Variants in PTP4A2 observed in about 807,000 individuals in gnomAD.
PTP4A2 encodes the protein protein tyrosine phosphatase 4A2.
A neutral mutation model predicts 22.9 loss-of-function variants in PTP4A2; 2 were observed. That is an observed-to-expected ratio of 0.09 (90% CI 0.04 to 0.27). The LOEUF (loss-of-function observed/expected upper bound fraction) is 0.27. Among genes scored for constraint, PTP4A2 ranks in the 10% least tolerant of loss-of-function variants. PTP4A2 has a pLI of 1.00. For synonymous variants in PTP4A2, 68 were observed against 69.1 expected, an observed-to-expected ratio of 0.98 and a Z score of 0.08; for missense variants, 103 against 205.1, an observed-to-expected ratio of 0.50 and a Z score of 3.04.
intron 1 of PTP4A2, among the ~76,000 whole-genome samples, chr1:31,923,325 ACCT>A (rs1444471492): frequency 7.7e-6 from 1 of 129,210 alleles, no homozygotes. Flanking sequence ...TTCTGCCTCA[ACCT>A]CTTTTTTTTT....
intron 3 of PTP4A2, 87 bp from the exon 4 acceptor site, chr1:31,911,913 G>T: frequency 3.0e-6 from 3 of 1,008,290 alleles, no homozygotes; most frequent in Admixed American, 2.9e-5. Flanking sequence ...AGTACACACG[G>T]CAGGCCTAAC....
chr1:31,933,457 A>G (rs891436035), intron 1 of PTP4A2, among the ~76,000 whole-genome samples: 1 of 152,178 alleles, frequency 6.6e-6, no homozygotes, highest in Non-Finnish European at 1.5e-5. Context: ...AGATTCTAAA[A>G]CCTGGGATTT....
At chr1:31,935,942 G>A (rs1425674809) in intron 1 of PTP4A2, among the ~76,000 whole-genome samples, 1 of 151,828 alleles carries the variant, frequency 6.6e-6, no homozygotes, top group Non-Finnish European at 1.5e-5. Context: ...CTACAGGCAC[G>A]CACTACCACG....
intron 3 of PTP4A2, chr1:31,913,050 C>A: frequency 2.2e-6 from 1 of 452,786 alleles, no homozygotes. Flanking sequence ...ATAAAACATG[C>A]TTCACTTACT....
rs1329406210 is a variant in PTP4A2 at position 31,938,194 on chromosome 1, GCTGCGGCCGCCGCTGCGTCTC to G, written c.-822_-802del. 2 of 152,132 alleles carry G rather than the reference GCTGCGGCCGCCGCTGCGTCTC, an allele frequency of 1.3e-5. No individual in the cohort carries two copies. Among genetic ancestry groups the G allele is most frequent in the Admixed American group, 6.7e-5 (1 of 14,902 alleles). The allele number at this position is 152,132 out of a possible 1,614,324, so 9.4% of individuals were successfully genotyped here. A position where few individuals can be genotyped will look rare whatever the true frequency, so the allele number is the denominator to read the frequency against. On this transcript the variant is annotated 5_prime_UTR_variant, in exon 1 of 6. Coordinates refer to ENST00000647444, the MANE Select transcript of PTP4A2 (RefSeq NM_080391.4). The surrounding 1 kb of genome is among the most constrained non-coding windows in gnomAD (Gnocchi z 4.4). ...TCCACGAGTCCGTCTTGCTGCTGCTGCTGCGGCCGCCGCTGCGTCTCCTGCTGCCGCCGCTGCCTCCGCTGC... is the reference window on the plus strand; with the variant it reads ...TCCACGAGTCCGTCTTGCTGCTGCTGCTGCTGCCGCCGCTGCCTCCGCTGC...
At chr1:31,928,149 TTTAAA>T (rs1314949505) in intron 1 of PTP4A2, among the ~76,000 whole-genome samples, 1 of 148,112 alleles carries the variant, frequency 6.8e-6, no homozygotes, top group Non-Finnish European at 1.5e-5. Flanking sequence ...GAAACTTAGA[TTTAAA>T]TTAATATTAT....
chr1:31,923,480 G>A (rs945041265), intron 1 of PTP4A2, among the ~76,000 whole-genome samples: 30 of 151,122 alleles, frequency 2.0e-4, no homozygotes, highest in Non-Finnish European at 4.4e-5. Context: ...GACTACAGGC[G>A]CCCGCTACCA....
intron 1 of PTP4A2, among the ~76,000 whole-genome samples, chr1:31,923,493 C>T (rs942081216): frequency 2.0e-5 from 3 of 151,442 alleles, no homozygotes; most frequent in African/African-American, 7.3e-5. Flanking sequence ...CGCTACCACG[C>T]CCGGCTAATT....
intron 4 of PTP4A2, 95 bp from the exon 5 acceptor site, chr1:31,910,207 GCTTT>G (rs1651461266): frequency 5.6e-6 from 5 of 888,752 alleles, no homozygotes; most frequent in South Asian, 1.4e-5. Flanking sequence ...CAACGCATGA[GCTTT>G]CTTTTTCCTG....
intron 1 of PTP4A2, chr1:31,921,399 T>G (rs1057469494): frequency 3.3e-5 from 5 of 152,332 alleles, no homozygotes; most frequent in Non-Finnish European, 7.3e-5. Flanking sequence ...TCAGTTTACC[T>G]TTTTATTATT....
At chr1:31,917,137 G>A (rs1230215470) in intron 2 of PTP4A2, among the ~76,000 whole-genome samples, 1 of 152,190 alleles carries the variant, frequency 6.6e-6, no homozygotes, top group African/African-American at 2.4e-5. Flanking sequence ...CACTTCTGGA[G>A]ACTATGGCCA....
rs758044218 is a variant in PTP4A2, at chr1:31,911,748, G to C, written c.268C>G (p.Arg90Gly). 2 of 1,606,496 alleles carry C rather than the reference G, an allele frequency of 1.2e-6. No individual in the cohort carries two copies. The highest frequency in any genetic ancestry group is 2.2e-5 in the South Asian group (2 of 89,782). Reference sequence around the variant, plus strand: ...GCAACACAGCAACCTGGCTCTTCACGAAATTTGGTTTTTAACAGGTTTAAC... The same window carrying C: ...GCAACACAGCAACCTGGCTCTTCACCAAATTTGGTTTTTAACAGGTTTAAC... ...DWLNLLKTKFREEPGCCVAVH... is the reference protein window; with the variant it reads ...DWLNLLKTKFGEEPGCCVAVH... The change falls in exon 4 of 6, where the codon CGT becomes GGT. Residue 90 changes from arginine to glycine, a missense_variant. Physicochemically the swap from Arg to Gly is moderately radical, Grantham distance 125. Around this residue, in one of 3 missense-constraint regions of PTP4A2, gnomAD observed 66 missense variants for 113.0 expected, o/e 0.58. Transcript: ENST00000647444.
chr1:31,912,255 T>C (rs1175071856), intron 3 of PTP4A2, among the ~76,000 whole-genome samples: 1 of 152,268 alleles, frequency 6.6e-6, no homozygotes, highest in East Asian at 1.9e-4. Flanking sequence ...CATTGGTCTC[T>C]ACAGATAATT....
rs2124116462 is a variant in PTP4A2, at chr1:31,907,130, A to G, written c.*1722T>C. 1 of 152,336 alleles carries G rather than the reference A, an allele frequency of 6.6e-6. No individual in the cohort carries two copies. The highest frequency in any genetic ancestry group is 2.1e-4 in the South Asian group (1 of 4,830). The allele number at this position is 152,336 out of a possible 1,614,324, so 9.4% of individuals were successfully genotyped here. On this transcript the variant is annotated 3_prime_UTR_variant, in exon 6 of 6. Transcript: ENST00000647444. ...ATAGCCGGTCAACATGTGAGGTATC[A>G]TCAGTGTGAGACAAGGTCCCGGTCT...
intron 1 of PTP4A2, among the ~76,000 whole-genome samples, chr1:31,920,737 C>T (rs1472922446): frequency 2.6e-5 from 4 of 151,808 alleles, no homozygotes; most frequent in Non-Finnish European, 4.4e-5. Flanking sequence ...GGGGCTTCAC[C>T]ACGTTGACCA....
At chr1:31,932,569 T>C (rs994183454) in intron 1 of PTP4A2, 3 of 152,232 alleles carry the variant, frequency 2.0e-5, no homozygotes, top group Admixed American at 2.0e-4. Context: ...AATATCTGTA[T>C]AATCTGTCAA....
At chr1:31,909,580 T>C (rs573852271) in intron 5 of PTP4A2, among the ~76,000 whole-genome samples, 6 of 151,240 alleles carry the variant, frequency 4.0e-5, no homozygotes, top group Admixed American at 2.0e-4. Context: ...GCTGAGGCAG[T>C]AGAATCGCTT....
chr1:31,916,688 A>C (rs1164818944), intron 2 of PTP4A2, among the ~76,000 whole-genome samples: 1 of 152,238 alleles, frequency 6.6e-6, no homozygotes, highest in Non-Finnish European at 1.5e-5. Flanking sequence ...ATGGTCCAAA[A>C]ATAAGGGAAT....
chr1:31,909,087 T>A (rs1389342498), intron 5 of PTP4A2, 127 bp from the exon 6 acceptor site: 2 of 692,984 alleles, frequency 2.9e-6, no homozygotes, highest in African/African-American at 3.6e-5. Flanking sequence ...TTTCCCATAC[T>A]ACAACAATTC....
Sources: gnomAD v4.1 joint callset for allele counts (sites outside exome capture counted in the v4.1 genomes callset) on GRCh38, gnomAD v4.1.1 for gene constraint, gnomAD v4.1.1 regional missense constraint, Gnocchi (gnomAD v3.1) non-coding constraint, MANE v1.5 for transcripts, NCBI Gene and HGNC (gene_info 2026-07-23, HGNC 2026-07-21) for gene names.